Variants in KLF7 observed in about 807,000 individuals in gnomAD.
KLF7 encodes Krueppel-like factor 7.
Under a neutral mutation model 27.3 loss-of-function variants are expected in KLF7, and 2 were observed. The ratio of observed to expected loss-of-function variants is 0.07; its 90% confidence interval spans 0.03 to 0.23. KLF7 has a LOEUF of 0.23. Ranked by LOEUF, KLF7 falls within the 10% of genes least tolerant of loss-of-function variation. The pLI is 1.00. For synonymous variants in KLF7, 165 were observed against 162.4 expected, an observed-to-expected ratio of 1.02 and a Z score of -0.12; for missense variants, 221 against 394.1, an observed-to-expected ratio of 0.56 and a Z score of 3.72.
chr2:207,167,881 C>A (rs1471625255), upstream of KLF7, among the ~76,000 whole-genome samples: 1 of 152,122 alleles, frequency 6.6e-6, no homozygotes, highest in African/African-American at 2.4e-5. Flanking sequence ...TAGGTGAATA[C>A]TAAATATTAG....
At chr2:207,085,064 A>G (rs745333797) in intron 3 of KLF7, among the ~76,000 whole-genome samples, 7 of 145,210 alleles carry the variant, frequency 4.8e-5, no homozygotes, top group African/African-American at 7.6e-5. Context: ...TAGGAGGCTG[A>G]GGCAGGAGAA....
At chr2:207,117,988 C>A (rs1479004313) in intron 2 of KLF7, among the ~76,000 whole-genome samples, 5 of 152,134 alleles carry the variant, frequency 3.3e-5, no homozygotes, top group Non-Finnish European at 7.4e-5. Flanking sequence ...GCACTTAATA[C>A]CTGTTCGCAG....
intron 1 of KLF7, among the ~76,000 whole-genome samples, chr2:207,158,503 C>T (rs889967810): frequency 1.5e-4 from 23 of 152,280 alleles, no homozygotes; most frequent in African/African-American, 4.8e-4. Context: ...AGCAATTTCA[C>T]GTTTGTTGCT....
At chr2:207,168,216 G>A (rs1275025078), upstream of KLF7, among the ~76,000 whole-genome samples, 1 of 152,198 alleles carries the variant, frequency 6.6e-6, no homozygotes, top group Non-Finnish European at 1.5e-5. Flanking sequence ...CTTATTTTGT[G>A]TGTGTTACAT....
chr2:207,133,946 C>A, intron 1 of KLF7: 1 of 642,450 alleles, frequency 1.6e-6, no homozygotes, highest in South Asian at 2.6e-5. Flanking sequence ...AGGGAAAGGT[C>A]TGACAAGGCA....
chr2:207,113,868 A>C (rs1244649317), intron 2 of KLF7, among the ~76,000 whole-genome samples: 2 of 152,074 alleles, frequency 1.3e-5, no homozygotes, highest in Non-Finnish European at 2.9e-5. Flanking sequence ...AGCGACCATT[A>C]TTTTATCCCC....
intron 2 of KLF7, among the ~76,000 whole-genome samples, chr2:207,111,640 A>G (rs1031698555): frequency 6.6e-6 from 1 of 151,952 alleles, no homozygotes; most frequent in African/African-American, 2.4e-5. Context: ...GGTTGAAGCA[A>G]CTCCATGGAA....
At chr2:207,084,812 A>C (rs1172973285) in intron 3 of KLF7, among the ~76,000 whole-genome samples, 2 of 152,162 alleles carry the variant, frequency 1.3e-5, no homozygotes, top group Non-Finnish European at 2.9e-5. Context: ...TTAATTACTG[A>C]AATTTGTACA....
At chr2:207,084,194 T>C (rs115300025) in intron 3 of KLF7, among the ~76,000 whole-genome samples, 2,434 of 152,212 alleles carry the variant, frequency 0.016, 76 homozygotes, top group African/African-American at 0.054. Context: ...GAAGCCTGCC[T>C]GTCCAAGAGG....
intron 1 of KLF7, among the ~76,000 whole-genome samples, chr2:207,137,553 C>T (rs535893987): frequency 6.6e-6 from 1 of 152,258 alleles, no homozygotes; most frequent in African/African-American, 2.4e-5. Flanking sequence ...ATACAGAACC[C>T]TCGAACACTG....
chr2:207,157,007 G>A (rs1003924499), intron 1 of KLF7, among the ~76,000 whole-genome samples: 2 of 151,986 alleles, frequency 1.3e-5, no homozygotes, highest in Non-Finnish European at 1.5e-5. Context: ...TATTGGTCTG[G>A]GGTGCAGCCA....
At chr2:207,170,658 C>T (rs565973864), upstream of KLF7, among the ~76,000 whole-genome samples, 1 of 151,880 alleles carries the variant, frequency 6.6e-6, no homozygotes, top group Admixed American at 6.6e-5. Context: ...GTTGTAGGGC[C>T]CTTAAGAATT....
chr2:207,141,516 G>A (rs954922259), intron 1 of KLF7, among the ~76,000 whole-genome samples: 4 of 152,146 alleles, frequency 2.6e-5, no homozygotes, highest in Middle Eastern at 3.2e-3. Flanking sequence ...GTGGTAAACT[G>A]GATAGCACAT....
At chr2:207,087,945 G>A (rs2076429017) in intron 3 of KLF7, among the ~76,000 whole-genome samples, 1 of 152,174 alleles carries the variant, frequency 6.6e-6, no homozygotes, top group African/African-American at 2.4e-5. Flanking sequence ...AGAATGATCT[G>A]GGCCCCCAAA....
At position 207,077,130 on chromosome 2, in the gene KLF7, C is replaced by T. The variant is rs1368008898; in HGVS notation, c.*4083G>A. 6.6e-6 allele frequency: 1 copy of T among 152,158 alleles called. No individual in the cohort carries two copies. The highest frequency in any genetic ancestry group is 1.5e-5 in the Non-Finnish European group (1 of 68,030). 9.4% of individuals were successfully genotyped at this position (152,158 alleles called of 1,614,324 possible). A position where few individuals can be genotyped will look rare whatever the true frequency, so the allele number is the denominator to read the frequency against. On this transcript the variant is annotated 3_prime_UTR_variant, in exon 4 of 4. Transcript: ENST00000309446. ...ACTTAACATTTTATGAAGTGACTTCCATAAAGGAAACCATTTTGAACCATC... is the reference window on the plus strand; with the variant it reads ...ACTTAACATTTTATGAAGTGACTTCTATAAAGGAAACCATTTTGAACCATC...
At chr2:207,130,305 C>T (rs971708263) in intron 1 of KLF7, among the ~76,000 whole-genome samples, 7 of 152,302 alleles carry the variant, frequency 4.6e-5, no homozygotes, top group East Asian at 1.9e-4. Flanking sequence ...CAAGAAAATA[C>T]GCTGACTGTC....
At chr2:207,163,589 G>C (rs1201772382) in intron 1 of KLF7, among the ~76,000 whole-genome samples, 2 of 152,190 alleles carry the variant, frequency 1.3e-5, no homozygotes, top group Non-Finnish European at 2.9e-5. Context: ...CTCCAAATCT[G>C]GCTTTACTAC....
rs1254121065 is a variant in KLF7, at chr2:207,080,631, T to G, written c.*582A>C. ...CTGTGAGGAAGTCTGACGCACGGAA[T>G]AGTAGGACTTTTCACACACAAAGGA... On this transcript the variant is annotated 3_prime_UTR_variant, in exon 4 of 4. Transcript: ENST00000309446. 5.1e-6 allele frequency: 2 copies of G among 390,146 alleles called. No homozygotes were observed. The highest frequency in any genetic ancestry group is 4.1e-5 in the African/African-American group (2 of 48,442). 24.2% of individuals were successfully genotyped at this position (390,146 alleles called of 1,614,324 possible).
chr2:207,084,977 A>C (rs954170036), intron 3 of KLF7, among the ~76,000 whole-genome samples: 1 of 151,954 alleles, frequency 6.6e-6, no homozygotes, highest in African/African-American at 2.4e-5. Flanking sequence ...AGCCTGACCA[A>C]CATGGCAAAA....
Sources: allele counts gnomAD v4.1 joint callset (sites outside exome capture counted in the v4.1 genomes callset), GRCh38; gene constraint gnomAD v4.1.1; transcripts MANE v1.5; gene names NCBI Gene and HGNC (gene_info 2026-07-23, HGNC 2026-07-21).